The following THADA variants were observed in gnomAD, a reference collection of about 807,000 sequenced individuals.
THADA encodes the protein THADA armadillo repeat containing, also known as tRNA (32-2'-O)-methyltransferase regulator THADA.
A neutral mutation model predicts 219.8 loss-of-function variants in THADA; 213 were observed. That is an observed-to-expected ratio of 0.97 (90% CI 0.87 to 1.09). The LOEUF is 1.09. Ranked by LOEUF, THADA falls within the 50% of genes least tolerant of loss-of-function variation. The pLI, the probability that THADA is intolerant of heterozygous loss-of-function variation, is 0.00. For missense variants in THADA, 2,956 were observed against 2,311.3 expected (o/e 1.28, Z -5.72); for synonymous variants, 1,018 against 828.9 (o/e 1.23, Z -3.92).
intron 30 of THADA, among the ~76,000 whole-genome samples, chr2:43,336,833 G>C (rs555051345): frequency 6.6e-6 from 1 of 152,320 alleles, no homozygotes; most frequent in Admixed American, 6.5e-5. Context: ...ACAAACTCCT[G>C]TTTCCATGGG....
chr2:43,441,023 G>A (rs1284209459), intron 26 of THADA, among the ~76,000 whole-genome samples: 2 of 152,140 alleles, frequency 1.3e-5, no homozygotes, highest in African/African-American at 4.8e-5. Context: ...TTCAGTGAAC[G>A]TTTTAAGTAA....
Position 43,578,610 on chromosome 2 carries a change from A to C in THADA, c.722-3T>G. The C allele has an allele frequency of 6.3e-7, 1 of 1,584,708 alleles. No homozygotes were observed. The highest frequency in any genetic ancestry group is 8.6e-7 in the Non-Finnish European group (1 of 1,163,626). On this transcript the variant is annotated splice_polypyrimidine_tract_variant and splice_region_variant and intron_variant, in intron 8 of 37. Coordinates refer to ENST00000405975, the MANE Select transcript of THADA (RefSeq NM_022065.5). ...CTGTACAGTCTGTAACAGATCATCTATTTGGCAAAAAAGGAGAGAAGCTTG... is the reference window on the plus strand; with the variant it reads ...CTGTACAGTCTGTAACAGATCATCTCTTTGGCAAAAAAGGAGAGAAGCTTG...
intron 22 of THADA, among the ~76,000 whole-genome samples, chr2:43,511,269 T>G (rs1333552163): frequency 6.6e-6 from 1 of 152,118 alleles, no homozygotes; most frequent in Non-Finnish European, 1.5e-5. Flanking sequence ...TTTCCTTAAT[T>G]TCCTAAGTGT....
At chr2:43,351,418 C>T (rs1324735760) in intron 29 of THADA, among the ~76,000 whole-genome samples, 1 of 152,166 alleles carries the variant, frequency 6.6e-6, no homozygotes, top group Non-Finnish European at 1.5e-5. Flanking sequence ...CCAACTCCAC[C>T]TACTGAAATT....
chr2:43,401,975 A>G (rs1043572786), intron 28 of THADA, among the ~76,000 whole-genome samples: 7 of 152,114 alleles, frequency 4.6e-5, no homozygotes, highest in African/African-American at 1.7e-4. Flanking sequence ...GGATCATGAA[A>G]ATATTTCAGA....
chr2:43,514,890 A>G (rs1691136713), intron 22 of THADA, among the ~76,000 whole-genome samples: 1 of 65,384 alleles, frequency 1.5e-5, no homozygotes, highest in African/African-American at 7.6e-5. Flanking sequence ...TGTATAATAT[A>G]TATTTTATGT....
chr2:43,520,742 AC>A (rs1692319159), intron 22 of THADA, among the ~76,000 whole-genome samples: 7 of 150,982 alleles, frequency 4.6e-5, no homozygotes, highest in South Asian at 2.1e-4. Flanking sequence ...ACACACACAC[AC>A]ATATATATCA....
intron 29 of THADA, among the ~76,000 whole-genome samples, chr2:43,369,158 G>GTC (rs1288217252): frequency 6.6e-6 from 1 of 152,160 alleles, no homozygotes; most frequent in Non-Finnish European, 1.5e-5. Context: ...AAATTGCTCA[G>GTC]TCTCCTGCTT....
chr2:43,427,492 C>A (rs1352421243), intron 28 of THADA, among the ~76,000 whole-genome samples: 1 of 103,506 alleles, frequency 9.7e-6, no homozygotes, highest in Admixed American at 9.9e-5. Context: ...TCACAAGACC[C>A]CTCCCAAAGT....
intron 26 of THADA, among the ~76,000 whole-genome samples, chr2:43,476,278 C>T (rs1685537134): frequency 6.6e-6 from 1 of 152,108 alleles, no homozygotes; most frequent in African/African-American, 2.4e-5. Flanking sequence ...TGCACAAGGC[C>T]ACTGGGTATT....
intron 36 of THADA, among the ~76,000 whole-genome samples, chr2:43,257,872 A>G (rs1417702200): frequency 6.6e-6 from 1 of 152,208 alleles, no homozygotes; most frequent in East Asian, 1.9e-4. Context: ...GGTAGGGGAA[A>G]GTCACAGACT....
intron 36 of THADA, among the ~76,000 whole-genome samples, chr2:43,259,024 C>A (rs965324067): frequency 6.6e-6 from 1 of 152,014 alleles, no homozygotes; most frequent in African/African-American, 2.4e-5. Flanking sequence ...AGGAACCAGG[C>A]CAAAATGAAA....
intron 36 of THADA, among the ~76,000 whole-genome samples, chr2:43,271,427 C>T (rs1407694107): frequency 6.6e-6 from 1 of 152,094 alleles, no homozygotes; most frequent in Non-Finnish European, 1.5e-5. Flanking sequence ...CCAAACAGCT[C>T]CCCCACCAGG....
In THADA at chr2:43,574,906, T is replaced by C; in HGVS notation, c.1159A>G (p.Ser387Gly). The C allele has an allele frequency of 6.2e-7, 1 of 1,614,008 alleles. No homozygotes were observed. Among genetic ancestry groups the C allele is most frequent in the Non-Finnish European group, 8.5e-7 (1 of 1,179,898 alleles). The change falls in exon 11 of 38, where the codon AGT (serine) becomes GGT (glycine). Residue 387 changes from serine (S) to glycine (G), a missense_variant. Ser to Gly is a moderately conservative substitution (Grantham distance 56, BLOSUM62 0). Transcript: ENST00000405975. ...SLTDSLNGNS[S>G]IVGRLLEYVY... ...TATTCCAAAAGTCTCCCAACTATAC[T>C]TGAATTCCCATTCAGGCTGTCCGTT...
chr2:43,505,806 C>A, intron 23 of THADA, 71 bp from the exon 24 acceptor site: 2 of 1,118,594 alleles, frequency 1.8e-6, no homozygotes, highest in South Asian at 2.9e-5. Flanking sequence ...TTCCCTGGAT[C>A]AATCCCAAAA....
intron 29 of THADA, among the ~76,000 whole-genome samples, chr2:43,384,017 C>A (rs1045281495): frequency 2.0e-5 from 3 of 152,120 alleles, no homozygotes; most frequent in African/African-American, 4.8e-5. Context: ...ACCCCCCTAC[C>A]CCAGCTTCTC....
chr2:43,574,339 T>C lies in THADA; in HGVS notation c.1726A>G (p.Thr576Ala), dbSNP rs1559000963. The C allele has an allele frequency of 6.5e-7, 1 of 1,549,420 alleles. No individual in the cohort carries two copies. Among genetic ancestry groups the C allele is most frequent in the Non-Finnish European group, 8.7e-7 (1 of 1,151,710 alleles). ...KILQTSIDAK[T>A]GQEQSFPSLG... is the part of the protein sequence containing the mutation. ...AACAAAAATGCATTTTTCTTACCAG[T>C]TTTAGCATCAATAGAAGTCTGAAGA... The change falls in exon 11 of 38, where the codon ACT becomes GCT. Residue 576 changes from threonine (T) to alanine (A), a missense_variant. Transcript: ENST00000405975.
At chr2:43,381,786 C>T (rs1040903735) in intron 29 of THADA, among the ~76,000 whole-genome samples, 3 of 151,970 alleles carry the variant, frequency 2.0e-5, no homozygotes, top group East Asian at 3.9e-4. Flanking sequence ...ACCATGGCCC[C>T]GTTGGCCATG....
At position 43,505,732 on chromosome 2, in the gene THADA, G is replaced by C; in HGVS notation, c.3511C>G (p.Leu1171Val). 6.4e-7 allele frequency: 1 copy of C among 1,574,640 alleles called. No individual in the cohort carries two copies. The highest frequency in any genetic ancestry group is 8.6e-7 in the Non-Finnish European group (1 of 1,157,124). Residue 1171 changes from leucine to valine, a missense_variant, in exon 24 of 38, where the codon CTG becomes GTG. By Grantham distance (32) the Leu-to-Val change is conservative (BLOSUM62 1). Transcript: ENST00000405975. Reference protein sequence around the residue: ...SAGIPFYIQALLASEPKKGRM... With the variant: ...SAGIPFYIQAVLASEPKKGRM... ...CCTTTCTTTGGTTCAGATGCCAACA[G>C]TGCCTATGGAAAAAGAATGCAAAAA...
Sources: allele counts gnomAD v4.1 joint callset (sites outside exome capture counted in the v4.1 genomes callset), GRCh38; gene constraint gnomAD v4.1.1; transcripts MANE v1.5; gene names NCBI Gene and HGNC (gene_info 2026-07-23, HGNC 2026-07-21).